BICC1: variants seen among roughly 807,000 people sequenced by gnomAD.
BICC1 encodes protein bicaudal C homolog 1.
Under a neutral mutation model 111.0 loss-of-function variants are expected in BICC1, and 43 were observed. The ratio of observed to expected loss-of-function variants is 0.39; its 90% CI spans 0.30 to 0.50. The LOEUF is 0.50. Among genes scored for constraint, BICC1 ranks in the 20% least tolerant of loss-of-function variants. The probability of loss-of-function intolerance (pLI) is 0.88; values close to 1 mark genes in which losing one functional copy is unlikely to be tolerated. For synonymous variants in BICC1, 467 were observed against 434.4 expected (o/e 1.07, Z -0.93); for missense variants, 1,091 against 1,203.2 (o/e 0.91, Z 1.38).
At chr10:58,742,411 G>A (rs1290176563) in intron 3 of BICC1, among the ~76,000 whole-genome samples, 6 of 149,724 alleles carry the variant, frequency 4.0e-5, no homozygotes, top group Non-Finnish European at 8.9e-5. Flanking sequence ...CTTCTGCCAT[G>A]AGGTCATGTG....
intron 3 of BICC1, among the ~76,000 whole-genome samples, chr10:58,702,835 A>T (rs1421113451): frequency 6.6e-6 from 1 of 152,228 alleles, no homozygotes; most frequent in African/African-American, 2.4e-5. Flanking sequence ...ATGCAGATGC[A>T]TGTAGTTGTC....
intron 2 of BICC1, among the ~76,000 whole-genome samples, chr10:58,645,145 C>A (rs1838227617): frequency 3.3e-5 from 5 of 152,030 alleles, no homozygotes; most frequent in Admixed American, 2.0e-4. Flanking sequence ...CGCGGTGGCT[C>A]ACGCCTGTAA....
chr10:58,597,009 C>T (rs1445165420), intron 1 of BICC1, among the ~76,000 whole-genome samples: 1 of 152,210 alleles, frequency 6.6e-6, no homozygotes, highest in African/African-American at 2.4e-5. Context: ...ATGCTATCCC[C>T]ATCAAGCTAC....
Position 58,591,677 on chromosome 10 carries a change from G to C in BICC1, c.191-29178G>C, listed in dbSNP as rs368165266. On this transcript the variant is annotated intron_variant, in intron 1 of 20. Coordinates refer to ENST00000373886, the MANE Select transcript of BICC1 (RefSeq NM_001080512.3). Reference sequence around the variant, plus strand: ...GTGGAAAATTAAGCTTAACTGATGGGGAGATTTAGGAGATGCAGTGAGAGA... The same window carrying C: ...GTGGAAAATTAAGCTTAACTGATGGCGAGATTTAGGAGATGCAGTGAGAGA... Among the ~76,000 whole-genome samples, 5 of 152,310 alleles carry C rather than the reference G, an allele frequency of 3.3e-5. No homozygotes were observed. In the East Asian group the frequency reaches 7.7e-4, roughly 24 times the overall value.
intron 2 of BICC1, among the ~76,000 whole-genome samples, chr10:58,677,173 A>C (rs1839372063): frequency 6.6e-6 from 1 of 152,202 alleles, no homozygotes; most frequent in Non-Finnish European, 1.5e-5. Flanking sequence ...CCTCGCCAGC[A>C]AAGGAACAAA....
intron 20 of BICC1, among the ~76,000 whole-genome samples, chr10:58,827,779 CAG>C (rs770933015): frequency 3.3e-5 from 5 of 152,036 alleles, no homozygotes; most frequent in Non-Finnish European, 5.9e-5. Flanking sequence ...AAATGGCAGA[CAG>C]AAATTATGAT....
At chr10:58,579,435 G>C (rs749057281) in intron 1 of BICC1, among the ~76,000 whole-genome samples, 11 of 152,284 alleles carry the variant, frequency 7.2e-5, no homozygotes, top group African/African-American at 2.6e-4. Context: ...GCTTGTGTGC[G>C]TGCAGGCATT....
chr10:58,795,303 G>GAAA (rs1392881056), intron 9 of BICC1, among the ~76,000 whole-genome samples: 1 of 152,140 alleles, frequency 6.6e-6, no homozygotes, highest in Non-Finnish European at 1.5e-5. Flanking sequence ...AACTTTAAAG[G>GAAA]AAAAGATAGC....
chr10:58,822,530 C>G (rs1271712126), intron 20 of BICC1, among the ~76,000 whole-genome samples: 1 of 152,006 alleles, frequency 6.6e-6, no homozygotes, highest in African/African-American at 2.4e-5. Context: ...TTGCAGACTT[C>G]CTCTCTCAGT....
At chr10:58,653,788 G>A (rs1588976427) in intron 2 of BICC1, among the ~76,000 whole-genome samples, 2 of 146,092 alleles carry the variant, frequency 1.4e-5, no homozygotes, top group Non-Finnish European at 3.0e-5. Flanking sequence ...CCACTAACTC[G>A]TCATCTAGCA....
chr10:58,829,044 A>C lies in BICC1; in HGVS notation c.*153A>C, dbSNP rs1844482325. On this transcript the variant is annotated 3_prime_UTR_variant, in exon 21 of 21. Coordinates refer to ENST00000373886, the MANE Select transcript of BICC1 (RefSeq NM_001080512.3). ...GCACCTGTACTTTATGGCAAAAAGG[A>C]AGAAGAGAGAGAAGATGTTCTTATG... 1.2e-6 allele frequency: 1 copy of C among 806,234 alleles called. No individual in the cohort carries two copies. The highest frequency in any genetic ancestry group is 3.1e-5 in the Admixed American group (1 of 32,142). 49.9% of individuals were successfully genotyped at this position (806,234 alleles called of 1,614,324 possible).
chr10:58,659,135 A>G (rs566845582), intron 2 of BICC1, among the ~76,000 whole-genome samples: 45 of 152,292 alleles, frequency 3.0e-4, no homozygotes, highest in African/African-American at 1.1e-3. Context: ...ACGCTTATAC[A>G]CTGCTGGTGA....
At chr10:58,542,235 A>G (rs1463778092) in intron 1 of BICC1, among the ~76,000 whole-genome samples, 1 of 151,932 alleles carries the variant, frequency 6.6e-6, no homozygotes, top group Non-Finnish European at 1.5e-5. Context: ...ATCCTCGCCT[A>G]TATAGTCAAA....
intron 1 of BICC1, among the ~76,000 whole-genome samples, chr10:58,562,768 T>G (rs965182579): frequency 2.2e-4 from 34 of 152,270 alleles, no homozygotes; most frequent in African/African-American, 7.5e-4. Context: ...TTTTTCTGTT[T>G]ATGTGTCTTG....
intron 2 of BICC1, among the ~76,000 whole-genome samples, chr10:58,648,260 T>C (rs1838330273): frequency 6.6e-6 from 1 of 152,210 alleles, no homozygotes; most frequent in African/African-American, 2.4e-5. Flanking sequence ...GATGCTGTTA[T>C]ATATAAAAAT....
intron 2 of BICC1, among the ~76,000 whole-genome samples, chr10:58,631,307 A>G (rs1448866165): frequency 6.6e-6 from 1 of 152,156 alleles, no homozygotes; most frequent in Non-Finnish European, 1.5e-5. Context: ...GAATAGATGT[A>G]TTAAATATCC....
intron 3 of BICC1, among the ~76,000 whole-genome samples, chr10:58,764,726 T>A (rs1018930587): frequency 6.6e-6 from 1 of 151,998 alleles, no homozygotes; most frequent in African/African-American, 2.4e-5. Context: ...ATGTCTTTAA[T>A]TTTCTTTAAT....
intron 2 of BICC1, among the ~76,000 whole-genome samples, chr10:58,684,448 T>C (rs1203591621): frequency 6.6e-6 from 1 of 152,226 alleles, no homozygotes; most frequent in East Asian, 1.9e-4. Flanking sequence ...TTAGAAGGAA[T>C]GGTACCAGCT....
At chr10:58,777,081 A>G (rs1842767819) in intron 3 of BICC1, among the ~76,000 whole-genome samples, 1 of 146,704 alleles carries the variant, frequency 6.8e-6, no homozygotes, top group Non-Finnish European at 1.5e-5. Flanking sequence ...CAATTCTCAC[A>G]CTCCTTAAAT....
Sources: allele counts gnomAD v4.1 joint callset (sites outside exome capture counted in the v4.1 genomes callset), GRCh38; gene constraint gnomAD v4.1.1; transcripts MANE v1.5; gene names NCBI Gene and HGNC (gene_info 2026-07-23, HGNC 2026-07-21).